Variants in HMGCLL1 observed in about 807,000 individuals in gnomAD.
HMGCLL1 encodes 3-hydroxymethyl-3-methylglutaryl-CoA lyase, cytoplasmic.
HMGCLL1 carries 36 observed loss-of-function variants against 39.1 expected under a neutral mutation model. The observed-to-expected ratio is 0.92, with a 90% CI of 0.71 to 1.22. The LOEUF is 1.22. Ranked by LOEUF, HMGCLL1 falls within the 50% of genes most tolerant of loss-of-function variation. The pLI, the probability that HMGCLL1 is intolerant of heterozygous loss-of-function variation, is 0.00. For synonymous variants in HMGCLL1, 149 were observed against 144.0 expected, an observed-to-expected ratio of 1.03 and a Z score of -0.25; for missense variants, 451 against 416.5, an observed-to-expected ratio of 1.08 and a Z score of -0.72.
At chr6:55,619,978 A>G in the HMGCLL1 span, among the ~76,000 whole-genome samples, 2 of 152,232 alleles carry the variant, frequency 1.3e-5, no homozygotes, top group South Asian at 4.1e-4. Context: ...GCTTAACATA[A>G]TGACTTCCAT....
chr6:55,636,974 A>T, the HMGCLL1 span, among the ~76,000 whole-genome samples: 1 of 152,172 alleles, frequency 6.6e-6, no homozygotes, highest in African/African-American at 2.4e-5. Context: ...AATAAGTGTG[A>T]TAATAAAATT....
upstream of HMGCLL1, among the ~76,000 whole-genome samples, chr6:55,579,705 G>C (rs998523384): frequency 6.6e-6 from 1 of 152,174 alleles, no homozygotes; most frequent in Non-Finnish European, 1.5e-5. Flanking sequence ...CTAAATGAGA[G>C]GTAAGCTGTA....
the HMGCLL1 span, among the ~76,000 whole-genome samples, chr6:55,621,901 G>T: frequency 6.6e-6 from 1 of 151,892 alleles, no homozygotes; most frequent in Non-Finnish European, 1.5e-5. Flanking sequence ...TCTAGACCCA[G>T]TTTTTTGACA....
At chr6:55,593,906 T>C in the HMGCLL1 span, among the ~76,000 whole-genome samples, 1 of 152,176 alleles carries the variant, frequency 6.6e-6, no homozygotes, top group Non-Finnish European at 1.5e-5. Context: ...AAAGTCACAA[T>C]AGCTAATAAG....
intron 3 of HMGCLL1, among the ~76,000 whole-genome samples, chr6:55,528,840 G>A (rs559449273): frequency 5.9e-5 from 9 of 151,826 alleles, no homozygotes; most frequent in Non-Finnish European, 1.3e-4. Flanking sequence ...ATGCCTACAC[G>A]TCTCAAGAGT....
At chr6:55,453,235 G>A (rs2127390389) in intron 7 of HMGCLL1, among the ~76,000 whole-genome samples, 1 of 152,314 alleles carries the variant, frequency 6.6e-6, no homozygotes, top group Non-Finnish European at 1.5e-5. Context: ...CTGGAGCGCA[G>A]TGGTGCAATC....
intron 3 of HMGCLL1, among the ~76,000 whole-genome samples, chr6:55,540,887 G>A (rs1408030251): frequency 6.6e-6 from 1 of 152,076 alleles, no homozygotes; most frequent in Admixed American, 6.6e-5. Flanking sequence ...GAAAAGCACT[G>A]AAAACAGAAT....
chr6:55,519,286 T>G (rs4496787), intron 3 of HMGCLL1, among the ~76,000 whole-genome samples: 103,777 of 151,628 alleles, frequency 0.68, 35,505 homozygotes, highest in Admixed American at 0.73. Flanking sequence ...TGAGAATCCA[T>G]CTTGTGACAA....
At chr6:55,640,300 C>T in the HMGCLL1 span, among the ~76,000 whole-genome samples, 10 of 151,994 alleles carry the variant, frequency 6.6e-5, no homozygotes, top group South Asian at 2.1e-4. Flanking sequence ...AACAGGATAA[C>T]AAGTAAATGA....
the HMGCLL1 span, among the ~76,000 whole-genome samples, chr6:55,618,262 A>G: frequency 6.6e-6 from 1 of 152,002 alleles, no homozygotes; most frequent in South Asian, 2.1e-4. Context: ...CATTTGTATT[A>G]TAATTAGCTG....
the HMGCLL1 span, among the ~76,000 whole-genome samples, chr6:55,590,486 C>T: frequency 3.3e-5 from 5 of 152,064 alleles, no homozygotes; most frequent in African/African-American, 1.2e-4. Context: ...AGGACATAGG[C>T]ATGGGCAAGG....
At chr6:55,523,011 A>G (rs1223861248) in intron 3 of HMGCLL1, among the ~76,000 whole-genome samples, 1 of 152,016 alleles carries the variant, frequency 6.6e-6, no homozygotes, top group Non-Finnish European at 1.5e-5. Context: ...TATCTACAAA[A>G]TTATATAACT....
the HMGCLL1 span, among the ~76,000 whole-genome samples, chr6:55,593,382 T>C: frequency 6.6e-6 from 1 of 152,200 alleles, no homozygotes; most frequent in Non-Finnish European, 1.5e-5. Context: ...TCAAACATCA[T>C]TTCCTTTTAA....
chr6:55,528,371 C>T (rs1404986874), intron 3 of HMGCLL1, among the ~76,000 whole-genome samples: 3 of 152,048 alleles, frequency 2.0e-5, no homozygotes, highest in East Asian at 1.9e-4. Context: ...CTCTTAAAGG[C>T]GATACATTCG....
chr6:55,583,341 C>T (rs1230522976), upstream of HMGCLL1, among the ~76,000 whole-genome samples: 1 of 151,954 alleles, frequency 6.6e-6, no homozygotes, highest in African/African-American at 2.4e-5. Flanking sequence ...GCTATCCCTC[C>T]CCTCTCCCCC....
chr6:55,665,577 C>T, the HMGCLL1 span, among the ~76,000 whole-genome samples: 1 of 151,666 alleles, frequency 6.6e-6, no homozygotes, highest in Non-Finnish European at 1.5e-5. Context: ...CCTCCTTCCC[C>T]ACCCCACAAC....
intron 7 of HMGCLL1, among the ~76,000 whole-genome samples, chr6:55,453,951 G>A (rs1467864284): frequency 6.6e-6 from 1 of 152,142 alleles, no homozygotes; most frequent in Admixed American, 6.5e-5. Flanking sequence ...TTTAGTGAAA[G>A]GTGAAAGTTG....
chr6:55,553,267 G>GTGTGTGTGTGTGTA (rs1278805027), intron 1 of HMGCLL1, among the ~76,000 whole-genome samples: 4 of 151,158 alleles, frequency 2.6e-5, no homozygotes, highest in South Asian at 2.1e-4. Context: ...GTGTGTGTGT[G>GTGTGTGTGTGTGTA]TGTATGTATG....
chr6:55,573,358 AG>A (rs1561970843), intron 1 of HMGCLL1, among the ~76,000 whole-genome samples: 1 of 152,202 alleles, frequency 6.6e-6, no homozygotes, highest in African/African-American at 2.4e-5. Context: ...TAGGCATACC[AG>A]GAAGGAAAAT....
Sources: allele counts gnomAD v4.1 joint callset (sites outside exome capture counted in the v4.1 genomes callset), GRCh38; gene constraint gnomAD v4.1.1; transcripts MANE v1.5; gene names NCBI Gene and HGNC (gene_info 2026-07-23, HGNC 2026-07-21).